DENND2B: variants seen among roughly 807,000 people sequenced by gnomAD.
DENND2B encodes DENN domain-containing protein 2B.
Under a neutral mutation model 116.0 loss-of-function variants are expected in DENND2B, and 32 were observed. That is an observed-to-expected ratio of 0.28 (90% CI 0.21 to 0.37). The LOEUF (loss-of-function observed/expected upper bound fraction) is 0.37. Among genes scored for constraint, DENND2B ranks in the 10% least tolerant of loss-of-function variants. The pLI is 1.00. For missense variants in DENND2B, 1,276 were observed against 1,477.7 expected (o/e 0.86, Z 2.24); for synonymous variants, 588 against 583.9 (o/e 1.01, Z -0.10).
At chr11:8,780,708 A>G (rs1424133811) in intron 1 of DENND2B, among the ~76,000 whole-genome samples, 1 of 152,208 alleles carries the variant, frequency 6.6e-6, no homozygotes, top group Non-Finnish European at 1.5e-5. Flanking sequence ...TTCTGAGAAA[A>G]GAATGATGGG....
At chr11:8,899,585 T>G (rs1161767663) in intron 1 of DENND2B, among the ~76,000 whole-genome samples, 1 of 152,172 alleles carries the variant, frequency 6.6e-6, no homozygotes, top group East Asian at 1.9e-4. Flanking sequence ...ACTAAAAATT[T>G]TATATCCAGC....
intron 2 of DENND2B, among the ~76,000 whole-genome samples, chr11:8,859,297 TGTTTG>T (rs1441524663): frequency 0.05 from 4,548 of 90,144 alleles, 93 homozygotes; most frequent in African/African-American, 0.073. Context: ...CGTGTTTTTT[TGTTTG>T]TTTGTTTGTT....
chr11:8,859,294 TTTTG>T (rs199899578), intron 2 of DENND2B, among the ~76,000 whole-genome samples: 36,458 of 151,460 alleles, frequency 0.24, 4,604 homozygotes, highest in Middle Eastern at 0.36. Context: ...TAACGTGTTT[TTTTG>T]TTTGTTTGTT....
chr11:8,849,363 G>A (rs1379990180), intron 3 of DENND2B, among the ~76,000 whole-genome samples: 1 of 151,612 alleles, frequency 6.6e-6, no homozygotes, highest in East Asian at 1.9e-4. Context: ...TGTGGTGGCA[G>A]ATGGCTGTAA....
chr11:8,876,714 TA>T (rs1295090804), intron 2 of DENND2B, among the ~76,000 whole-genome samples: 3 of 151,728 alleles, frequency 2.0e-5, no homozygotes, highest in Non-Finnish European at 2.9e-5. Flanking sequence ...CCGTCTCTTC[TA>T]AAAAATACAA....
intron 4 of DENND2B, among the ~76,000 whole-genome samples, chr11:8,820,258 T>C (rs902088316): frequency 2.6e-5 from 4 of 152,174 alleles, no homozygotes; most frequent in Middle Eastern, 3.2e-3. Context: ...ATCACATATA[T>C]TACCCATAGA....
At chr11:8,843,102 C>T (rs1327751834) in intron 3 of DENND2B, among the ~76,000 whole-genome samples, 4 of 152,004 alleles carry the variant, frequency 2.6e-5, no homozygotes, top group Non-Finnish European at 4.4e-5. Context: ...CTGCAACATC[C>T]GCCTCCCGGG....
At chr11:8,892,446 A>G (rs1432932920) in intron 1 of DENND2B, among the ~76,000 whole-genome samples, 1 of 152,198 alleles carries the variant, frequency 6.6e-6, no homozygotes, top group Admixed American at 6.5e-5. Context: ...CAAAAAATCA[A>G]TGAATCCAGG....
At chr11:8,764,889 G>A (rs1368581149) in intron 1 of DENND2B, among the ~76,000 whole-genome samples, 2 of 142,196 alleles carry the variant, frequency 1.4e-5, no homozygotes, top group African/African-American at 5.2e-5. Context: ...AGGTTGCAGT[G>A]AGCTGAGATC....
intron 4 of DENND2B, among the ~76,000 whole-genome samples, chr11:8,724,329 T>C (rs558757493): frequency 6.6e-6 from 1 of 151,372 alleles, no homozygotes; most frequent in East Asian, 1.9e-4. Context: ...CTTCTGATAA[T>C]CTGGAGGTTT....
rs35421038 is a variant in DENND2B, at chr11:8,764,942, CAAAAAAAAAAAA to C, written c.-25-14229_-25-14218del. On this transcript the variant is annotated intron_variant, in intron 1 of 19. Transcript: ENST00000313726. ...CCTGGGTGACAGAGTGAGACTGTCTCAAAAAAAAAAAAAAAAAAAAAAAGAATTAGAAAAGGA... is the reference window on the plus strand; with the variant it reads ...CCTGGGTGACAGAGTGAGACTGTCTCAAAAAAAAAAAGAATTAGAAAAGGA... Among the ~76,000 whole-genome samples the C allele has an allele frequency of 4.7e-3, 473 of 100,306 alleles. 6 individuals carry two copies. The highest frequency in any genetic ancestry group is 0.015 in the Middle Eastern group (3 of 204). The allele number at this position is 100,306 out of a possible 152,430, so 65.8% of individuals were successfully genotyped here.
At chr11:8,734,791 C>CAAA (rs11339783) in intron 2 of DENND2B, among the ~76,000 whole-genome samples, 33 of 98,460 alleles carry the variant, frequency 3.4e-4, no homozygotes, top group Middle Eastern at 0.011. Context: ...ACAAGAGTCT[C>CAAA]AAAAAAAAAA....
intron 2 of DENND2B, among the ~76,000 whole-genome samples, chr11:8,877,151 T>C (rs1427499124): frequency 7.2e-6 from 1 of 139,160 alleles, no homozygotes; most frequent in African/African-American, 2.7e-5. Flanking sequence ...TTGCCCAGGC[T>C]GGAGTGCAGT....
chr11:8,694,150 A>G lies in DENND2B; in HGVS notation c.3380-20T>C. ...TGTTGCCTGTGGGCCAGAGAGGACA[A>G]GAGAGAATGTTCAGTGTTATCCCTT... On this transcript the variant is annotated intron_variant, in intron 19 of 19. Transcript: ENST00000313726. The G allele has an allele frequency of 6.2e-7, 1 of 1,614,100 alleles. No individual in the cohort carries two copies. Among genetic ancestry groups the G allele is most frequent in the East Asian group, 2.2e-5 (1 of 44,876 alleles).
At chr11:8,779,583 G>T (rs1407409594) in intron 1 of DENND2B, among the ~76,000 whole-genome samples, 1 of 149,138 alleles carries the variant, frequency 6.7e-6, no homozygotes, top group Non-Finnish European at 1.5e-5. Context: ...TGGAATCTCG[G>T]CTCACCACAA....
intron 1 of DENND2B, among the ~76,000 whole-genome samples, chr11:8,886,117 T>C (rs1357323531): frequency 1.3e-5 from 2 of 152,148 alleles, no homozygotes; most frequent in African/African-American, 2.4e-5. Context: ...AATTTTTTTG[T>C]AGAGACAAGG....
chr11:8,804,547 C>CTTTTTTTT lies in DENND2B; in HGVS notation c.-26+5962_-26+5969dup, dbSNP rs58169547. On this transcript the variant is annotated intron_variant, in intron 1 of 19. Coordinates refer to ENST00000313726, the MANE Select transcript of DENND2B (RefSeq NM_213618.2). ...ACGAGATGCAAAATAGCAGCTACTT[C>CTTTTTTTT]TTTTTTTTTTTTTTTGAGACGAAGT... Among the ~76,000 whole-genome samples the CTTTTTTTT allele has an allele frequency of 1.9e-4, 25 of 129,566 alleles. 1 individual carries two copies. The highest frequency in any genetic ancestry group is 4.7e-4 in the East Asian group (2 of 4,248). The allele number at this position is 129,566 out of a possible 152,430, so 85.0% of individuals were successfully genotyped here.
chr11:8,771,471 A>AAT (rs1389923808), intron 1 of DENND2B, among the ~76,000 whole-genome samples: 1 of 150,862 alleles, frequency 6.6e-6, no homozygotes, highest in Non-Finnish European at 1.5e-5. Context: ...TAAAATAATG[A>AAT]ATATATATAG....
At chr11:8,762,557 T>C (rs1000286983) in intron 1 of DENND2B, among the ~76,000 whole-genome samples, 1 of 152,160 alleles carries the variant, frequency 6.6e-6, no homozygotes, top group Non-Finnish European at 1.5e-5. Context: ...TCAACTAAAA[T>C]TGCTCTCTGA....
Sources: allele counts gnomAD v4.1 joint callset (sites outside exome capture counted in the v4.1 genomes callset), GRCh38; gene constraint gnomAD v4.1.1; transcripts MANE v1.5; gene names NCBI Gene and HGNC (gene_info 2026-07-23, HGNC 2026-07-21).